Variants in STON1 observed in about 807,000 individuals in gnomAD.
The protein encoded by STON1 is stonin 1, also known as stonin-1.
A neutral mutation model predicts 60.9 loss-of-function variants in STON1; 79 were observed. The ratio of observed to expected loss-of-function variants is 1.30; its 90% confidence interval spans 1.08 to 1.56. The LOEUF is 1.56. STON1 is among the 40% of genes most tolerant of loss of function. The probability of loss-of-function intolerance (pLI) is 0.00; values close to 1 mark genes in which losing one functional copy is unlikely to be tolerated. For synonymous variants in STON1, 363 were observed against 306.9 expected, an observed-to-expected ratio of 1.18 and a Z score of -1.91; for missense variants, 1,166 against 858.9, an observed-to-expected ratio of 1.36 and a Z score of -4.47.
At chr2:48,590,970 G>A (rs1449234741) in intron 2 of STON1, among the ~76,000 whole-genome samples, 6 of 151,992 alleles carry the variant, frequency 3.9e-5, no homozygotes, top group South Asian at 4.1e-4. Context: ...AAAATAATGC[G>A]ACTTAATTTG....
intron 1 of STON1, among the ~76,000 whole-genome samples, chr2:48,575,150 T>C (rs1336364624): frequency 1.3e-5 from 2 of 152,222 alleles, no homozygotes; most frequent in Non-Finnish European, 2.9e-5. Context: ...GCACTTAGCA[T>C]AATGTGCTGA....
In STON1 at chr2:48,581,697, C is replaced by T. The variant is rs1472317442; in HGVS notation, c.1064C>T (p.Thr355Ile). Residue 355 changes from threonine to isoleucine, a missense_variant, in exon 2 of 4, where the codon ACA becomes ATA. Transcript: ENST00000404752. The stretch of plus-strand genomic sequence containing the variant: ...GTGAAGATTGAACATGTGTCTTACA[C>T]AGAAAAAAGGAAATACCATTCTAAG... ...HTVKIEHVSYTEKRKYHSKTE... is the reference protein window; with the variant it reads ...HTVKIEHVSYIEKRKYHSKTE... The T allele has an allele frequency of 3.7e-6, 6 of 1,610,060 alleles. No homozygotes were observed. The African/African-American group carries it at 6.7e-5, about 18-fold the overall frequency.
rs371993864 is a variant in STON1, at chr2:48,593,203, C to T, written c.2133+1348C>T. Among the ~76,000 whole-genome samples the T allele has an allele frequency of 9.9e-5, 15 of 151,524 alleles. No homozygotes were observed. The East Asian group carries it at 2.9e-3, about 29-fold the overall frequency. ...TGGTCTCGGCTCACTGCAACCTCCG[C>T]TTCCTAGGTTCAAGTAATTCTCCTG... On this transcript the variant is annotated intron_variant, in intron 3 of 3. Transcript: ENST00000404752.
At chr2:48,591,935 G>GTT in intron 3 of STON1, 80 bp downstream of exon 3, 1 of 1,524,210 alleles carries the variant, frequency 6.6e-7, no homozygotes, top group African/African-American at 1.4e-5. Context: ...TCGTGTATGT[G>GTT]TTGTGTGTGT....
chr2:48,558,203 G>A (rs78036862), intron 1 of STON1, among the ~76,000 whole-genome samples: 300 of 152,328 alleles, frequency 2.0e-3, no homozygotes, highest in African/African-American at 7.0e-3. Context: ...TAGCCTGGGC[G>A]AAGAGCGAAA....
intron 1 of STON1, among the ~76,000 whole-genome samples, chr2:48,541,238 C>A (rs1422690010): frequency 1.3e-5 from 2 of 151,700 alleles, no homozygotes; most frequent in African/African-American, 4.8e-5. Context: ...ATAATCCCAG[C>A]ACTCAGGAGG....
chr2:48,547,663 C>G (rs1572933427), intron 1 of STON1, among the ~76,000 whole-genome samples: 1 of 152,174 alleles, frequency 6.6e-6, no homozygotes, highest in Non-Finnish European at 1.5e-5. Context: ...TGAAAGCCAT[C>G]AATGCCAGCT....
intron 1 of STON1, among the ~76,000 whole-genome samples, chr2:48,564,508 T>TTCTTCC (rs1672808890): frequency 3.4e-5 from 1 of 29,162 alleles, no homozygotes; most frequent in African/African-American, 1.5e-4. Context: ...CTTCTTCTTC[T>TTCTTCC]TCTTCTTCTT....
At chr2:48,548,951 A>C (rs1240475068) in intron 1 of STON1, among the ~76,000 whole-genome samples, 1 of 152,220 alleles carries the variant, frequency 6.6e-6, no homozygotes, top group East Asian at 1.9e-4. Context: ...TCCTTTGTGC[A>C]CATGAAGAAA....
At chr2:48,576,763 T>TTATAAGGA (rs1673522598) in intron 1 of STON1, among the ~76,000 whole-genome samples, 9 of 152,168 alleles carry the variant, frequency 5.9e-5, no homozygotes, top group Admixed American at 5.9e-4. Flanking sequence ...TTATAAGAAA[T>TTATAAGGA]ACCGTTTGCA....
chr2:48,585,689 G>A (rs3792237), intron 2 of STON1, among the ~76,000 whole-genome samples: 49,001 of 152,072 alleles, frequency 0.32, 8,074 homozygotes, highest in East Asian at 0.42. Context: ...TAGGTTAGAG[G>A]GTTTAAACAA....
chr2:48,572,073 G>T (rs1276734619), intron 1 of STON1, among the ~76,000 whole-genome samples: 1 of 152,196 alleles, frequency 6.6e-6, no homozygotes, highest in East Asian at 1.9e-4. Flanking sequence ...TGAGGCAGGA[G>T]AATTGCTTGA....
intron 1 of STON1, among the ~76,000 whole-genome samples, chr2:48,565,528 A>G (rs1299934426): frequency 6.6e-6 from 1 of 152,162 alleles, no homozygotes; most frequent in Non-Finnish European, 1.5e-5. Flanking sequence ...TGAGCAGGGA[A>G]TTGGGCACAG....
chr2:48,581,990 GA>G lies in STON1; in HGVS notation c.1359del (p.Glu453AspfsTer4). On this transcript the variant is annotated frameshift_variant, in exon 2 of 4. Transcript: ENST00000404752. LOFTEE classifies it high-confidence loss of function. ...CCTCTGCTTTGTGAATGGGAACCTGGAATGCTTTTTAACCTTGAATGACCTT... is the reference window on the plus strand; with the variant it reads ...CCTCTGCTTTGTGAATGGGAACCTGGATGCTTTTTAACCTTGAATGACCTT... ...YCLCFVNGNL[E>X]CFLTLNDLEL... 5.0e-6 allele frequency: 8 copies of G among 1,614,220 alleles called. No homozygotes were observed. The highest frequency in any genetic ancestry group is 3.4e-6 in the Non-Finnish European group (4 of 1,180,048).
chr2:48,574,611 A>G (rs1041029769), intron 1 of STON1, among the ~76,000 whole-genome samples: 3 of 152,216 alleles, frequency 2.0e-5, no homozygotes, highest in South Asian at 2.1e-4. Context: ...CATCTCAGCT[A>G]TGAAACTGGA....
Position 48,564,480 on chromosome 2 carries a change from T to TTCTTCTTCTTC in STON1, c.-47-16106_-47-16105insCTTCTTCTTCT, listed in dbSNP as rs1558604783. On this transcript the variant is annotated intron_variant, in intron 1 of 3. Transcript: ENST00000404752. Reference sequence around the variant, plus strand: ...CTTCTTCTTCTTCTTCTTCTTCTTCTTTCTTCTTCTTCTTCTTCTTCTTCT... The same window carrying TTCTTCTTCTTC: ...CTTCTTCTTCTTCTTCTTCTTCTTCTTCTTCTTCTTCTTCTTCTTCTTCTTCTTCTTCTTCT... Among the ~76,000 whole-genome samples the TTCTTCTTCTTC allele has an allele frequency of 9.5e-4, 31 of 32,498 alleles. 4 individuals carry two copies. The highest frequency in any genetic ancestry group is 2.6e-3 in the African/African-American group (23 of 8,686). 21.3% of individuals were successfully genotyped at this position (32,498 alleles called of 152,430 possible). A position where few individuals can be genotyped will look rare whatever the true frequency, so the allele number is the denominator to read the frequency against.
chr2:48,570,502 A>G (rs531641732), intron 1 of STON1, among the ~76,000 whole-genome samples: 2 of 152,284 alleles, frequency 1.3e-5, no homozygotes, highest in East Asian at 3.9e-4. Context: ...GCTTCCCTAA[A>G]TATGGGGAGT....
At chr2:48,579,741 A>C (rs978991365) in intron 1 of STON1, among the ~76,000 whole-genome samples, 1 of 152,128 alleles carries the variant, frequency 6.6e-6, no homozygotes, top group African/African-American at 2.4e-5. Context: ...TTGAGTTTAT[A>C]GTGTTCAAGT....
At chr2:48,565,197 C>T (rs986926960) in intron 1 of STON1, among the ~76,000 whole-genome samples, 37 of 151,468 alleles carry the variant, frequency 2.4e-4, no homozygotes, top group Admixed American at 4.6e-4. Flanking sequence ...GGACTACAGG[C>T]GCCCGCCACC....
Sources: allele counts gnomAD v4.1 joint callset (sites outside exome capture counted in the v4.1 genomes callset), GRCh38; gene constraint gnomAD v4.1.1; transcripts MANE v1.5; gene names NCBI Gene and HGNC (gene_info 2026-07-23, HGNC 2026-07-21).